The following PCLO variants were observed in gnomAD, a reference collection of about 807,000 sequenced individuals.
PCLO encodes piccolo presynaptic cytomatrix protein.
In PCLO, 82 loss-of-function variants were observed where a neutral mutation model predicts 427.5. That is an observed-to-expected ratio of 0.19 (90% CI 0.16 to 0.23). PCLO has a LOEUF of 0.23. Ranked by LOEUF, PCLO falls within the 10% of genes least tolerant of loss-of-function variation. PCLO has a pLI of 1.00. For synonymous variants in PCLO, 2,357 were observed against 2,155.4 expected, an observed-to-expected ratio of 1.09 and a Z score of -2.59; for missense variants, 6,239 against 6,115.9, an observed-to-expected ratio of 1.02 and a Z score of -0.67.
intron 10 of PCLO, chr7:82,868,259 C>T: frequency 2.2e-6 from 1 of 456,148 alleles, no homozygotes. Context: ...AGCATTCTTC[C>T]TTATGTTATG....
chr7:82,791,491 A>G (rs188614184), intron 22 of PCLO, among the ~76,000 whole-genome samples: 2 of 152,362 alleles, frequency 1.3e-5, no homozygotes, highest in East Asian at 3.9e-4. Flanking sequence ...TTGAGTAGAT[A>G]GCAAGTCCTT....
intron 10 of PCLO, among the ~76,000 whole-genome samples, chr7:82,865,041 T>C (rs1158531866): frequency 6.6e-6 from 1 of 152,182 alleles, no homozygotes; most frequent in African/African-American, 2.4e-5. Context: ...TAAAGTGATA[T>C]TGATACAGCC....
chr7:82,893,749 T>C (rs567829574), intron 9 of PCLO, among the ~76,000 whole-genome samples: 5 of 152,062 alleles, frequency 3.3e-5, no homozygotes, highest in Non-Finnish European at 5.9e-5. Flanking sequence ...ATCTGAACTA[T>C]TTTCTTCAGA....
Position 82,955,911 on chromosome 7 carries a change from G to T in PCLO, c.5042C>A (p.Ser1681Tyr), listed in dbSNP as rs775689275. ...TGTTTTTTTCTGTGATGACTCTGCA[G>T]AATATTTATCTGCTATTGTACTGTT... is the stretch of plus-strand genomic sequence containing the variant. The part of the protein sequence containing the change: ...ELNSTIADKY[S>Y]AESSQKKTSL... Residue 1681 changes from serine to tyrosine, a missense_variant, in exon 5 of 25, where the codon TCT becomes TAT. By Grantham distance (144) the Ser-to-Tyr change is moderately radical. Coordinates refer to ENST00000333891, the MANE Select transcript of PCLO (RefSeq NM_033026.6). 3 of 1,613,920 alleles carry T rather than the reference G, an allele frequency of 1.9e-6. No homozygotes were observed. The highest frequency in any genetic ancestry group is 1.7e-6 in the Non-Finnish European group (2 of 1,179,864).
At chr7:82,847,038 GA>G in intron 11 of PCLO, 100 bp downstream of exon 11, 1 of 631,600 alleles carries the variant, frequency 1.6e-6, no homozygotes, top group Non-Finnish European at 2.7e-6. Flanking sequence ...TATAATTCCA[GA>G]AAATCTTGCT....
intron 3 of PCLO, among the ~76,000 whole-genome samples, chr7:82,982,204 C>T (rs534468059): frequency 1.3e-5 from 2 of 152,146 alleles, no homozygotes; most frequent in African/African-American, 4.8e-5. Context: ...ATCACAGCAA[C>T]CCCAAGGCCT....
intron 10 of PCLO, among the ~76,000 whole-genome samples, chr7:82,847,659 C>A (rs1405894089): frequency 1.3e-5 from 2 of 152,184 alleles, no homozygotes; most frequent in Admixed American, 6.5e-5. Context: ...GGTACTTTAT[C>A]ATGAAATGGG....
At chr7:82,968,007 T>A (rs1217871527) in intron 3 of PCLO, among the ~76,000 whole-genome samples, 1 of 152,208 alleles carries the variant, frequency 6.6e-6, no homozygotes, top group African/African-American at 2.4e-5. Context: ...AAAAATCACT[T>A]ATTGCTCTAG....
At chr7:82,848,863 C>G in intron 10 of PCLO, 1 of 388,756 alleles carries the variant, frequency 2.6e-6, no homozygotes, top group South Asian at 1.9e-5. Flanking sequence ...TTTTCTATAA[C>G]TTACTCCAAG....
chr7:83,070,885 C>T (rs1036937918), intron 3 of PCLO, among the ~76,000 whole-genome samples: 1 of 152,174 alleles, frequency 6.6e-6, no homozygotes, highest in Admixed American at 6.5e-5. Flanking sequence ...ATTGCTCAAA[C>T]TCAACTTCTT....
rs576340317 is a variant in PCLO, at chr7:82,966,249, A to G, written c.3539T>C (p.Leu1180Pro). The change falls in exon 4 of 25, where the codon CTA (leucine) becomes CCA (proline). Residue 1180 changes from leucine (L) to proline (P), a missense_variant. Leu to Pro is a moderately conservative substitution (Grantham distance 98). Coordinates refer to ENST00000333891, the MANE Select transcript of PCLO (RefSeq NM_033026.6). ...CATAGGAGGAATTTTTTCCATTGAT[A>G]GTGTTTCCTTTACTTTTTCCAGAAT... ...KVILEKVKET[L>P]SMEKIPPMVT... is the part of the protein sequence containing the mutation. The G allele has an allele frequency of 4.0e-5, 65 of 1,610,578 alleles. 1 individual carries two copies. In the East Asian group the frequency reaches 1.3e-3, roughly 32 times the overall value.
intron 6 of PCLO, among the ~76,000 whole-genome samples, chr7:82,929,570 T>C (rs1794793656): frequency 6.6e-6 from 1 of 152,142 alleles, no homozygotes; most frequent in Non-Finnish European, 1.5e-5. Context: ...ATACATAAGA[T>C]CAATGCTACA....
At chr7:82,838,392 A>G in intron 14 of PCLO, 50 bp from the exon 15 acceptor site, 1 of 1,062,564 alleles carries the variant, frequency 9.4e-7, no homozygotes, top group Non-Finnish European at 1.3e-6. Context: ...CATGTTATAC[A>G]TTATCATTCA....
intron 3 of PCLO, among the ~76,000 whole-genome samples, chr7:83,029,778 G>T (rs1191817436): frequency 7.5e-6 from 1 of 133,468 alleles, no homozygotes; most frequent in Non-Finnish European, 1.6e-5. Context: ...ATACTATGCA[G>T]CCATAAAAAA....
intron 3 of PCLO, among the ~76,000 whole-genome samples, chr7:83,073,504 T>C (rs117633866): frequency 7.2e-5 from 11 of 152,106 alleles, no homozygotes; most frequent in Admixed American, 5.2e-4. Context: ...AAATCCTGCA[T>C]TGGAGGAGAA....
intron 7 of PCLO, among the ~76,000 whole-genome samples, chr7:82,913,448 T>C (rs1794372097): frequency 6.6e-6 from 1 of 152,064 alleles, no homozygotes; most frequent in Non-Finnish European, 1.5e-5. Flanking sequence ...GCTTAGTTCT[T>C]TGGAGTCTCT....
Position 82,879,363 on chromosome 7 carries a change from G to T in PCLO, c.13628C>A (p.Ala4543Glu). ...YIAKILPGGSAEQTGKLMEGM... is the reference protein window; with the variant it reads ...YIAKILPGGSEEQTGKLMEGM... The stretch of plus-strand genomic sequence containing the variant: ...TTCCATAAGCTTCCCCGTCTGTTCC[G>T]CACTTCCCCCAGGAAGAATCTTGGC... The change falls in exon 10 of 25, where the codon GCG becomes GAG. Residue 4543 changes from alanine to glutamate, a missense_variant. By Grantham distance (107) the Ala-to-Glu change is moderately radical (BLOSUM62 -1). Transcript: ENST00000333891. The T allele has an allele frequency of 6.2e-7, 1 of 1,611,618 alleles. No individual in the cohort carries two copies. The highest frequency in any genetic ancestry group is 8.5e-7 in the Non-Finnish European group (1 of 1,178,600).
At chr7:82,847,328 G>T (rs1792530375) in intron 10 of PCLO, 81 bp from the exon 11 acceptor site, 2 of 739,574 alleles carry the variant, frequency 2.7e-6, no homozygotes, top group Non-Finnish European at 4.5e-6. Context: ...ACATTTATTT[G>T]CATTTAGAAG....
chr7:82,786,977 A>G (rs1249981469), intron 22 of PCLO, among the ~76,000 whole-genome samples: 18 of 151,994 alleles, frequency 1.2e-4, no homozygotes. Flanking sequence ...CGTTTTCTTT[A>G]TCCAGTCTAT....
Sources: gnomAD v4.1 joint callset for allele counts (sites outside exome capture counted in the v4.1 genomes callset) on GRCh38, gnomAD v4.1.1 for gene constraint, MANE v1.5 for transcripts, NCBI Gene and HGNC (gene_info 2026-07-23, HGNC 2026-07-21) for gene names.